The following CNTNAP2 variants were observed in gnomAD, a reference collection of about 807,000 sequenced individuals.
CNTNAP2 encodes the protein contactin associated protein 2.
CNTNAP2 carries 98 observed loss-of-function variants against 155.2 expected under a neutral mutation model. That is an observed-to-expected ratio of 0.63 (90% confidence interval 0.54 to 0.75). CNTNAP2 has a LOEUF of 0.75. CNTNAP2 is among the 30% of genes least tolerant of loss of function. CNTNAP2 has a pLI of 0.00. For missense variants in CNTNAP2, 1,727 were observed against 1,688.1 expected, an observed-to-expected ratio of 1.02 and a Z score of -0.40; for synonymous variants, 651 against 631.2, an observed-to-expected ratio of 1.03 and a Z score of -0.47.
At chr7:148,209,376 C>G (rs1387470268) in intron 18 of CNTNAP2, among the ~76,000 whole-genome samples, 1 of 151,240 alleles carries the variant, frequency 6.6e-6, no homozygotes, top group African/African-American at 2.4e-5. Flanking sequence ...TCAAGCGACC[C>G]TCCTGCCTTG....
chr7:147,003,384 G>A (rs916280330), intron 3 of CNTNAP2, among the ~76,000 whole-genome samples: 5 of 151,630 alleles, frequency 3.3e-5, no homozygotes, highest in African/African-American at 9.7e-5. Flanking sequence ...AACAAAAAGC[G>A]AGAAAAAAAT....
chr7:146,190,214 A>C (rs758128849), intron 1 of CNTNAP2, among the ~76,000 whole-genome samples: 9 of 152,214 alleles, frequency 5.9e-5, no homozygotes, highest in African/African-American at 1.9e-4. Context: ...TTATATGTGC[A>C]GGAAGGCTTC....
intron 13 of CNTNAP2, among the ~76,000 whole-genome samples, chr7:147,760,245 G>GAA (rs111368759): frequency 9.2e-5 from 12 of 130,988 alleles, no homozygotes; most frequent in African/African-American, 3.2e-4. Context: ...AGCTTCACGG[G>GAA]AAAAAAAAAA....
intron 9 of CNTNAP2, among the ~76,000 whole-genome samples, chr7:147,308,837 A>C (rs1795076297): frequency 6.6e-6 from 1 of 152,132 alleles, no homozygotes; most frequent in African/African-American, 2.4e-5. Context: ...GTCTTGGCTG[A>C]ATGCTCTTTC....
chr7:146,162,515 T>C (rs1798240165), intron 1 of CNTNAP2, among the ~76,000 whole-genome samples: 1 of 152,200 alleles, frequency 6.6e-6, no homozygotes, highest in Admixed American at 6.5e-5. Flanking sequence ...CAACAGGTGC[T>C]GTAGAGGATG....
chr7:148,178,990 T>C (rs928716958), intron 18 of CNTNAP2, among the ~76,000 whole-genome samples: 6 of 152,222 alleles, frequency 3.9e-5, no homozygotes, highest in African/African-American at 1.2e-4. Context: ...TAAAATGTCA[T>C]TTCTACTTAA....
chr7:146,673,733 C>A (rs1242108152), intron 1 of CNTNAP2, among the ~76,000 whole-genome samples: 2 of 152,028 alleles, frequency 1.3e-5, no homozygotes, highest in Non-Finnish European at 2.9e-5. Context: ...CAGTGGAGCA[C>A]CATGCTCAGC....
chr7:146,220,536 C>G (rs1799190300), intron 1 of CNTNAP2, among the ~76,000 whole-genome samples: 1 of 152,042 alleles, frequency 6.6e-6, no homozygotes, highest in South Asian at 2.1e-4. Flanking sequence ...TAGAAAGCAC[C>G]TGGTATTATA....
chr7:147,015,541 G>T (rs1450503545), intron 3 of CNTNAP2, among the ~76,000 whole-genome samples: 2 of 151,970 alleles, frequency 1.3e-5, no homozygotes, highest in Non-Finnish European at 2.9e-5. Flanking sequence ...TAATCCCATG[G>T]CTTATTCATA....
intron 21 of CNTNAP2, among the ~76,000 whole-genome samples, chr7:148,363,988 C>T (rs1262051307): frequency 6.6e-6 from 1 of 152,168 alleles, no homozygotes; most frequent in African/African-American, 2.4e-5. Context: ...GGTCCCCCAG[C>T]AGTGCCGGCC....
chr7:147,916,666 T>G (rs2538959), intron 14 of CNTNAP2, among the ~76,000 whole-genome samples: 108,064 of 144,302 alleles, frequency 0.75, 41,126 homozygotes, highest in African/African-American at 0.86. Context: ...GGGAGAGCTG[T>G]TATGTTTTCT....
chr7:147,871,633 A>C (rs75508651), intron 13 of CNTNAP2, among the ~76,000 whole-genome samples: 5,801 of 147,280 alleles, frequency 0.039, 355 homozygotes, highest in African/African-American at 0.14. Flanking sequence ...CAATTTCTTT[A>C]TCCACCCATT....
chr7:146,301,541 G>T (rs879584678), intron 1 of CNTNAP2, among the ~76,000 whole-genome samples: 1 of 151,980 alleles, frequency 6.6e-6, no homozygotes, highest in South Asian at 2.1e-4. Flanking sequence ...CAGGAGAATG[G>T]TGTGAACCCG....
chr7:147,380,397 A>G (rs947150026), intron 9 of CNTNAP2, among the ~76,000 whole-genome samples: 1 of 152,138 alleles, frequency 6.6e-6, no homozygotes, highest in Non-Finnish European at 1.5e-5. Flanking sequence ...ATGTAAAACC[A>G]TCTTATTTAT....
At chr7:147,621,426 T>C (rs189724427) in intron 12 of CNTNAP2, among the ~76,000 whole-genome samples, 2 of 151,996 alleles carry the variant, frequency 1.3e-5, no homozygotes, top group East Asian at 1.9e-4. Context: ...AGTACAACAA[T>C]TTTTGAAGAC....
At chr7:148,271,336 T>G (rs113226045) in intron 21 of CNTNAP2, among the ~76,000 whole-genome samples, 3,409 of 152,314 alleles carry the variant, frequency 0.022, 37 homozygotes, top group African/African-American at 0.026. Flanking sequence ...TCTTGTTCAT[T>G]GCAGAATGTT....
intron 1 of CNTNAP2, among the ~76,000 whole-genome samples, chr7:146,226,278 G>A (rs1416216061): frequency 6.6e-6 from 1 of 152,170 alleles, no homozygotes; most frequent in Non-Finnish European, 1.5e-5. Context: ...GGAAGCTTGA[G>A]TATTGGTGTA....
chr7:147,477,835 A>G (rs1002363684), intron 10 of CNTNAP2, among the ~76,000 whole-genome samples: 1 of 152,206 alleles, frequency 6.6e-6, no homozygotes, highest in Non-Finnish European at 1.5e-5. Flanking sequence ...ATCAAATGGC[A>G]GAGTTTACAC....
chr7:147,264,532 C>T (rs1438000746), intron 8 of CNTNAP2, among the ~76,000 whole-genome samples: 3 of 78 alleles, frequency 0.038, no homozygotes, highest in African/African-American at 0.1. Context: ...ACTTACTGGT[C>T]CCTGCGGGCC....
Sources: gnomAD v4.1 joint callset for allele counts (sites outside exome capture counted in the v4.1 genomes callset) on GRCh38, gnomAD v4.1.1 for gene constraint, MANE v1.5 for transcripts, NCBI Gene and HGNC (gene_info 2026-07-23, HGNC 2026-07-21) for gene names.